PPP1R14C: variants seen among roughly 807,000 people sequenced by gnomAD.
The protein encoded by PPP1R14C is protein phosphatase 1 regulatory subunit 14C.
In PPP1R14C, 16 loss-of-function variants were observed where a neutral mutation model predicts 20.4. That is an observed-to-expected ratio of 0.78 (90% CI 0.53 to 1.19). PPP1R14C has a LOEUF of 1.19. PPP1R14C is among the 50% of genes most tolerant of loss of function. PPP1R14C has a pLI of 0.00. For synonymous variants in PPP1R14C, 91 were observed against 91.0 expected (o/e 1.00, Z 0.00); for missense variants, 211 against 220.1 (o/e 0.96, Z 0.26).
chr6:150,177,616 C>T (rs1419158487), intron 1 of PPP1R14C, among the ~76,000 whole-genome samples: 1 of 152,202 alleles, frequency 6.6e-6, no homozygotes, highest in Non-Finnish European at 1.5e-5. Context: ...TCAACATACA[C>T]ATATCTGTGG....
At chr6:150,204,028 C>T (rs1777910987) in intron 1 of PPP1R14C, among the ~76,000 whole-genome samples, 1 of 152,208 alleles carries the variant, frequency 6.6e-6, no homozygotes, top group African/African-American at 2.4e-5. Flanking sequence ...GTGTTCCTCT[C>T]CCTTCCGGGG....
chr6:150,248,745 G>A lies in PPP1R14C; in HGVS notation c.424-1G>A, dbSNP rs2114937496. 1 of 1,604,954 alleles carries A rather than the reference G, an allele frequency of 6.2e-7. No homozygotes were observed. On this transcript the variant is annotated splice_acceptor_variant, in intron 3 of 3. Coordinates refer to ENST00000361131, the MANE Select transcript of PPP1R14C (RefSeq NM_030949.3). LOFTEE classifies it high-confidence loss of function. ...TATTAACTTCTTCTGATCTCTTTTAGGAATTTATCAAAGAGCTGCTTTCTC... is the reference window on the plus strand; with the variant it reads ...TATTAACTTCTTCTGATCTCTTTTAAGAATTTATCAAAGAGCTGCTTTCTC...
chr6:150,205,783 C>T (rs1389911102), intron 1 of PPP1R14C, among the ~76,000 whole-genome samples: 1 of 140,242 alleles, frequency 7.1e-6, no homozygotes, highest in Admixed American at 7.0e-5. Flanking sequence ...CAGAATGAGC[C>T]TCCGTCTCAA....
At chr6:150,146,147 T>C (rs1176105835) in intron 1 of PPP1R14C, among the ~76,000 whole-genome samples, 1 of 152,226 alleles carries the variant, frequency 6.6e-6, no homozygotes, top group Non-Finnish European at 1.5e-5. Flanking sequence ...ATTCATTTAG[T>C]CTTCATAACA....
chr6:150,231,774 A>G (rs890712859), intron 3 of PPP1R14C, among the ~76,000 whole-genome samples: 3 of 152,332 alleles, frequency 2.0e-5, no homozygotes, highest in African/African-American at 7.2e-5. Context: ...TTTGCCCAAC[A>G]TTAGGTGTCG....
chr6:150,244,499 C>A (rs1778469565), intron 3 of PPP1R14C, among the ~76,000 whole-genome samples: 1 of 152,136 alleles, frequency 6.6e-6, no homozygotes, highest in Admixed American at 6.5e-5. Flanking sequence ...CAACGTTATC[C>A]CACCTAGTCC....
intron 1 of PPP1R14C, among the ~76,000 whole-genome samples, chr6:150,199,263 G>T (rs1264344100): frequency 6.6e-6 from 1 of 152,190 alleles, no homozygotes; most frequent in Non-Finnish European, 1.5e-5. Context: ...GCTTTCAGCT[G>T]AGGCACGGCT....
At chr6:150,218,987 T>G (rs963740263) in intron 3 of PPP1R14C, among the ~76,000 whole-genome samples, 3 of 99,084 alleles carry the variant, frequency 3.0e-5, no homozygotes, top group Non-Finnish European at 5.8e-5. Context: ...GCATTTACTG[T>G]TTTTTTTTCA....
At chr6:150,172,978 C>T (rs1777515946) in intron 1 of PPP1R14C, among the ~76,000 whole-genome samples, 1 of 152,084 alleles carries the variant, frequency 6.6e-6, no homozygotes, top group African/African-American at 2.4e-5. Flanking sequence ...CTTGCCTGGC[C>T]TCCCTCTTCA....
intron 2 of PPP1R14C, 58 bp downstream of exon 2, chr6:150,214,885 G>GGT: frequency 8.1e-7 from 1 of 1,237,912 alleles, no homozygotes; most frequent in Non-Finnish European, 1.2e-6. Flanking sequence ...AGTCTACTTG[G>GGT]GTCTTCAGTG....
At chr6:150,197,471 G>A (rs903926562) in intron 1 of PPP1R14C, among the ~76,000 whole-genome samples, 3 of 152,236 alleles carry the variant, frequency 2.0e-5, no homozygotes, top group Non-Finnish European at 2.9e-5. Flanking sequence ...ATTCGCTGCC[G>A]GCCTGGGGTC....
At chr6:150,209,803 G>A (rs1385667254) in intron 1 of PPP1R14C, among the ~76,000 whole-genome samples, 2 of 149,154 alleles carry the variant, frequency 1.3e-5, no homozygotes, top group African/African-American at 2.5e-5. Context: ...GTAGTGTGGA[G>A]TGTTTATATT....
At chr6:150,155,817 G>T (rs953961040) in intron 1 of PPP1R14C, among the ~76,000 whole-genome samples, 3 of 151,792 alleles carry the variant, frequency 2.0e-5, no homozygotes, top group Non-Finnish European at 4.4e-5. Flanking sequence ...TTGAGGTCAG[G>T]AGTTTGAGAC....
At chr6:150,237,996 G>A (rs1468983059) in intron 3 of PPP1R14C, among the ~76,000 whole-genome samples, 2 of 152,136 alleles carry the variant, frequency 1.3e-5, no homozygotes, top group Non-Finnish European at 2.9e-5. Context: ...ATAGTCCTCA[G>A]GACACACGGC....
rs143364831 is a variant in PPP1R14C, at chr6:150,245,188, G to T, written c.424-3558G>T. 9.9e-4 allele frequency among the ~76,000 whole-genome samples: 150 copies of T among 152,174 alleles called. 2 individuals carry two copies. The highest frequency in any genetic ancestry group is 3.4e-3 in the African/African-American group (142 of 41,502). The stretch of plus-strand genomic sequence containing the variant: ...TCTACTGGCTCTGCCTCCTAAATGG[G>T]TCCCGGGTCTACCCACTTGTTTCCA... On this transcript the variant is annotated intron_variant, in intron 3 of 3. Transcript: ENST00000361131.
At chr6:150,188,778 G>A (rs1041734707) in intron 1 of PPP1R14C, among the ~76,000 whole-genome samples, 3 of 151,170 alleles carry the variant, frequency 2.0e-5, no homozygotes, top group African/African-American at 4.9e-5. Flanking sequence ...GAGCCACTGC[G>A]CCTGGCTAGG....
intron 1 of PPP1R14C, among the ~76,000 whole-genome samples, chr6:150,188,968 C>T (rs1381122772): frequency 6.6e-6 from 1 of 151,996 alleles, no homozygotes; most frequent in African/African-American, 2.4e-5. Context: ...AAGCAGTTCT[C>T]CTGCCTCAGC....
chr6:150,149,518 G>A (rs1021033544), intron 1 of PPP1R14C, among the ~76,000 whole-genome samples: 3 of 134,518 alleles, frequency 2.2e-5, no homozygotes, highest in Non-Finnish European at 3.0e-5. Flanking sequence ...GGCTGGTCTC[G>A]AATTCCTGGG....
intron 1 of PPP1R14C, among the ~76,000 whole-genome samples, chr6:150,157,003 A>G (rs1239471293): frequency 2.0e-5 from 3 of 152,236 alleles, no homozygotes; most frequent in Non-Finnish European, 2.9e-5. Context: ...GGAACATCCC[A>G]TGTTAGACTT....
Sources: gnomAD v4.1 joint callset for allele counts (sites outside exome capture counted in the v4.1 genomes callset) on GRCh38, gnomAD v4.1.1 for gene constraint, MANE v1.5 for transcripts, NCBI Gene and HGNC (gene_info 2026-07-23, HGNC 2026-07-21) for gene names.